Variants in ATXN10 observed in about 807,000 individuals in gnomAD.
ATXN10 encodes ataxin-10.
A neutral mutation model predicts 52.9 loss-of-function variants in ATXN10; 28 were observed. The ratio of observed to expected loss-of-function variants is 0.53; its 90% CI spans 0.39 to 0.73. ATXN10 has a LOEUF of 0.73. Ranked by LOEUF, ATXN10 falls within the 30% of genes least tolerant of loss-of-function variation. The pLI is 0.00. For synonymous variants in ATXN10, 226 were observed against 221.5 expected (o/e 1.02, Z -0.18); for missense variants, 565 against 577.0 (o/e 0.98, Z 0.21).
At chr22:45,798,048 A>C (rs565120893) in intron 9 of ATXN10, among the ~76,000 whole-genome samples, 100 of 152,254 alleles carry the variant, frequency 6.6e-4, no homozygotes, top group South Asian at 2.1e-4. Flanking sequence ...TGTTTCTACA[A>C]CAAAATCTCC....
At chr22:45,698,294 T>G (rs758053545) in intron 3 of ATXN10, among the ~76,000 whole-genome samples, 5 of 152,242 alleles carry the variant, frequency 3.3e-5, no homozygotes, top group Non-Finnish European at 7.3e-5. Context: ...GCATCCTTGC[T>G]GACTCTTTCT....
Position 45,775,821 on chromosome 22 carries a change from G to T in ATXN10, c.1174-31138G>T, listed in dbSNP as rs1043112536. ...TAGCACCAATAATAAATATTCTACA[G>T]CCTCTAACCTGATAGATCATTCCGC... On this transcript the variant is annotated intron_variant, in intron 9 of 11. Transcript: ENST00000252934. This position sits in a 1 kb window ranked among gnomAD's most constrained non-coding sequence, Gnocchi z 4.7. Among the ~76,000 whole-genome samples the T allele has an allele frequency of 6.6e-6, 1 of 152,128 alleles. No homozygotes were observed. The highest frequency in any genetic ancestry group is 6.5e-5 in the Admixed American group (1 of 15,268).
Position 45,701,186 on chromosome 22 carries a change from T to C in ATXN10, c.488+808T>C, listed in dbSNP as rs1422766093. Among the ~76,000 whole-genome samples the C allele has an allele frequency of 6.6e-6, 1 of 152,198 alleles. No individual in the cohort carries two copies. The highest frequency in any genetic ancestry group is 1.5e-5 in the Non-Finnish European group (1 of 68,038). On this transcript the variant is annotated intron_variant, in intron 4 of 11. Coordinates refer to ENST00000252934, the MANE Select transcript of ATXN10 (RefSeq NM_013236.4). The surrounding 1 kb of genome is among the most constrained non-coding windows in gnomAD (Gnocchi z 4.2). ...GGTAGCAGCTGTTGTGTACATACCC[T>C]GAACTGGGCATTATCCGTATATTTT...
rs1233180736 is a variant in ATXN10 at position 45,805,070 on chromosome 22, A to G, written c.1174-1889A>G. 6.6e-6 allele frequency among the ~76,000 whole-genome samples: 1 copy of G among 152,150 alleles called. No individual in the cohort carries two copies. Among genetic ancestry groups the G allele is most frequent in the East Asian group, 1.9e-4 (1 of 5,196 alleles). The stretch of plus-strand genomic sequence containing the variant: ...ACCGTAGTTTATGTAAGCAACCCCC[A>G]TTCGTGGAGACTTGAGTTGTTTCAT... On this transcript the variant is annotated intron_variant, in intron 9 of 11. Coordinates refer to ENST00000252934, the MANE Select transcript of ATXN10 (RefSeq NM_013236.4). This position sits in a 1 kb window ranked among gnomAD's most constrained non-coding sequence, Gnocchi z 4.4.
At position 45,684,427 on chromosome 22, in the gene ATXN10, C is replaced by T. The variant is rs758785762; in HGVS notation, c.117-5285C>T. ...CCAGACCATGGCCAGATCTGGCCTACTACCTGTTTTTTTTATGACCCATGA... is the reference window on the plus strand; with the variant it reads ...CCAGACCATGGCCAGATCTGGCCTATTACCTGTTTTTTTTATGACCCATGA... On this transcript the variant is annotated intron_variant, in intron 1 of 11. Coordinates refer to ENST00000252934, the MANE Select transcript of ATXN10 (RefSeq NM_013236.4). The surrounding 1 kb of genome is among the most constrained non-coding windows in gnomAD (Gnocchi z 4.1). Among the ~76,000 whole-genome samples, 1 of 152,056 alleles carries T rather than the reference C, an allele frequency of 6.6e-6. No individual in the cohort carries two copies. Among genetic ancestry groups the T allele is most frequent in the Non-Finnish European group, 1.5e-5 (1 of 68,030 alleles).
intron 9 of ATXN10, among the ~76,000 whole-genome samples, chr22:45,747,314 G>A (rs1925770327): frequency 6.6e-6 from 1 of 152,114 alleles, no homozygotes; most frequent in Admixed American, 6.5e-5. Flanking sequence ...AGACCAGCCA[G>A]ACAACATAAT....
chr22:45,747,256 A>G (rs964092006), intron 9 of ATXN10, among the ~76,000 whole-genome samples: 8 of 152,196 alleles, frequency 5.3e-5, no homozygotes, highest in African/African-American at 1.9e-4. Context: ...AAACCCAGCA[A>G]GCACATTGGA....
At chr22:45,794,835 C>G (rs1309101141) in intron 9 of ATXN10, among the ~76,000 whole-genome samples, 2 of 152,100 alleles carry the variant, frequency 1.3e-5, no homozygotes, top group Admixed American at 6.5e-5. Flanking sequence ...GAAACCTGAC[C>G]TATACAAATA....
At chr22:45,796,821 G>C (rs990288082) in intron 9 of ATXN10, among the ~76,000 whole-genome samples, 7 of 152,132 alleles carry the variant, frequency 4.6e-5, no homozygotes. Flanking sequence ...TGAAAGGCAA[G>C]ACTCAATTAT....
intron 6 of ATXN10, among the ~76,000 whole-genome samples, chr22:45,720,176 T>C (rs1417622097): frequency 1.3e-5 from 2 of 152,222 alleles, no homozygotes; most frequent in African/African-American, 4.8e-5. Context: ...TCAGTTATAC[T>C]ATCCCAAGGT....
rs564152053 is a variant in ATXN10 at position 45,767,111 on chromosome 22, G to C, written c.1173+26573G>C. On this transcript the variant is annotated intron_variant, in intron 9 of 11. Coordinates refer to ENST00000252934, the MANE Select transcript of ATXN10 (RefSeq NM_013236.4). ...ATTTGCTTTTTGACTCAGCAGTCTT[G>C]CTTTTAGGACTCTATACTAGAAACT... 6.0e-4 allele frequency among the ~76,000 whole-genome samples: 92 copies of C among 152,240 alleles called. 1 individual carries two copies. The Middle Eastern group carries it at 0.017, about 28-fold the overall frequency.
intron 5 of ATXN10, among the ~76,000 whole-genome samples, chr22:45,716,502 T>C (rs1398150554): frequency 1.3e-5 from 2 of 151,020 alleles, no homozygotes; most frequent in Non-Finnish European, 3.0e-5. Context: ...CATCCAACTA[T>C]TTTTTTTGTG....
intron 1 of ATXN10, chr22:45,679,733 A>G (rs942146929): frequency 1.3e-5 from 2 of 152,220 alleles, no homozygotes; most frequent in Non-Finnish European, 2.9e-5. Flanking sequence ...TAAAAAGCAT[A>G]TTTTAGAGTG....
intron 10 of ATXN10, among the ~76,000 whole-genome samples, chr22:45,831,842 G>A (rs1316862666): frequency 1.3e-5 from 2 of 152,194 alleles, no homozygotes; most frequent in Non-Finnish European, 2.9e-5. Flanking sequence ...CCTGATAGAG[G>A]AGCGTGGTGG....
rs1924107373 is a variant in ATXN10 at position 45,708,025 on chromosome 22, T to C, written c.647+5178T>C. Among the ~76,000 whole-genome samples, 2 of 152,242 alleles carry C rather than the reference T, an allele frequency of 1.3e-5. No individual in the cohort carries two copies. The highest frequency in any genetic ancestry group is 4.1e-4 in the South Asian group (2 of 4,836). ...ATGTTTTCTTTTCTTCCTTTGCTTG[T>C]TTCTTAGAAAAGGGCAAATGTGATT... On this transcript the variant is annotated intron_variant, in intron 5 of 11. Coordinates refer to ENST00000252934, the MANE Select transcript of ATXN10 (RefSeq NM_013236.4). This position sits in a 1 kb window ranked among gnomAD's most constrained non-coding sequence, Gnocchi z 5.3.
chr22:45,843,233 A>G lies in ATXN10; in HGVS notation c.1425+55A>G. 1 of 1,569,730 alleles carries G rather than the reference A, an allele frequency of 6.4e-7. No individual in the cohort carries two copies. The highest frequency in any genetic ancestry group is 8.8e-7 in the Non-Finnish European group (1 of 1,140,820). On this transcript the variant is annotated intron_variant, in intron 11 of 11. Transcript: ENST00000252934. This position sits in a 1 kb window ranked among gnomAD's most constrained non-coding sequence, Gnocchi z 4.5. Reference sequence around the variant, plus strand: ...CTTTGGTTTGTAGAAAGCTGTTTCCACTTCCCCATTGCTTCAAGCACGAGG... The same window carrying G: ...CTTTGGTTTGTAGAAAGCTGTTTCCGCTTCCCCATTGCTTCAAGCACGAGG...
intron 10 of ATXN10, among the ~76,000 whole-genome samples, chr22:45,834,180 A>G (rs1210420556): frequency 1.3e-5 from 2 of 152,198 alleles, no homozygotes; most frequent in Non-Finnish European, 2.9e-5. Flanking sequence ...CTTATGTGAG[A>G]GACACTTAAT....
At chr22:45,740,717 CACAT>C (rs1555891798) in intron 9 of ATXN10, 179 bp downstream of exon 9, 27 of 406,580 alleles carry the variant, frequency 6.6e-5, no homozygotes, top group South Asian at 2.6e-4. Context: ...CACACACACA[CACAT>C]ATATATACAC....
rs894787724 is a variant in ATXN10 at position 45,769,773 on chromosome 22, G to A, written c.1173+29235G>A. The stretch of plus-strand genomic sequence containing the variant: ...TAGCCTGACAAGATGTCTGCCAGGT[G>A]CTCAGAAAATATCTGATGAATGAAT... On this transcript the variant is annotated intron_variant, in intron 9 of 11. Coordinates refer to ENST00000252934, the MANE Select transcript of ATXN10 (RefSeq NM_013236.4). This position sits in a 1 kb window ranked among gnomAD's most constrained non-coding sequence, Gnocchi z 4.2. 4.6e-5 allele frequency among the ~76,000 whole-genome samples: 7 copies of A among 152,242 alleles called. No individual in the cohort carries two copies. Among genetic ancestry groups the A allele is most frequent in the Non-Finnish European group, 7.4e-5 (5 of 68,022 alleles).
Sources: allele counts gnomAD v4.1 joint callset (sites outside exome capture counted in the v4.1 genomes callset), GRCh38; gene constraint gnomAD v4.1.1; non-coding constraint Gnocchi (gnomAD v3.1); transcripts MANE v1.5; gene names NCBI Gene and HGNC (gene_info 2026-07-23, HGNC 2026-07-21).